Variants in MAGI2 observed in about 807,000 individuals in gnomAD.
The protein encoded by MAGI2 is membrane associated guanylate kinase, WW and PDZ domain containing 2, also known as membrane-associated guanylate kinase, WW and PDZ domain-containing protein 2.
In MAGI2, 35 loss-of-function variants were observed where a neutral mutation model predicts 133.3. The observed-to-expected ratio is 0.26, with a 90% CI of 0.20 to 0.35. The LOEUF (loss-of-function observed/expected upper bound fraction) is 0.35. Among genes scored for constraint, MAGI2 ranks in the 10% least tolerant of loss-of-function variants. The pLI, the probability that MAGI2 is intolerant of heterozygous loss-of-function variation, is 1.00. For synonymous variants in MAGI2, 729 were observed against 710.6 expected (o/e 1.03, Z -0.41); for missense variants, 1,636 against 1,863.4 (o/e 0.88, Z 2.25).
At chr7:78,151,398 A>G (rs1823855796) in intron 16 of MAGI2, among the ~76,000 whole-genome samples, 1 of 152,132 alleles carries the variant, frequency 6.6e-6, no homozygotes, top group African/African-American at 2.4e-5. Flanking sequence ...CTATATAATT[A>G]TTGCTGAGGT....
chr7:78,526,239 A>G (rs1238544464), intron 3 of MAGI2, among the ~76,000 whole-genome samples: 4 of 152,236 alleles, frequency 2.6e-5, no homozygotes, highest in Admixed American at 6.5e-5. Flanking sequence ...ATTCAAAGCC[A>G]CAGTCAATGA....
intron 7 of MAGI2, chr7:78,350,653 G>A (rs996323428): frequency 6.6e-6 from 1 of 152,202 alleles, no homozygotes; most frequent in Non-Finnish European, 1.5e-5. Context: ...CTGAGGGAAG[G>A]AAATATTTGC....
chr7:78,736,760 G>C (rs1280873676), intron 2 of MAGI2, among the ~76,000 whole-genome samples: 1 of 152,138 alleles, frequency 6.6e-6, no homozygotes, highest in Non-Finnish European at 1.5e-5. Flanking sequence ...ACAGTACACT[G>C]CCAGAAAACT....
chr7:78,375,973 A>G (rs1794414544), intron 6 of MAGI2, among the ~76,000 whole-genome samples: 1 of 152,142 alleles, frequency 6.6e-6, no homozygotes, highest in Non-Finnish European at 1.5e-5. Flanking sequence ...AACAAAAGGT[A>G]TTATATCTTT....
chr7:78,051,905 A>G (rs1321126996), intron 21 of MAGI2, among the ~76,000 whole-genome samples: 1 of 103,944 alleles, frequency 9.6e-6, no homozygotes, highest in Non-Finnish European at 1.8e-5. Context: ...TTTTTTTAAG[A>G]CAAGATCTTG....
intron 6 of MAGI2, chr7:78,486,682 C>T (rs1047036219): frequency 1.8e-5 from 7 of 389,134 alleles, no homozygotes; most frequent in Middle Eastern, 4.5e-4. Context: ...ATGGCGACAA[C>T]GATGGTTCCA....
chr7:78,845,405 G>T (rs1342232380), intron 2 of MAGI2, among the ~76,000 whole-genome samples: 1 of 151,810 alleles, frequency 6.6e-6, no homozygotes, highest in Non-Finnish European at 1.5e-5. Context: ...AATTATGGGG[G>T]AGAGAAGGTC....
intron 3 of MAGI2, among the ~76,000 whole-genome samples, chr7:78,529,753 G>T (rs762460852): frequency 3.5e-4 from 43 of 122,338 alleles, no homozygotes; most frequent in Admixed American, 2.5e-3. Flanking sequence ...CTAGCCTCAA[G>T]CCTTCCTCCT....
chr7:79,075,049 T>G lies in MAGI2; in HGVS notation c.302-67843A>C, dbSNP rs181310703. Among the ~76,000 whole-genome samples the G allele has an allele frequency of 4.1e-4, 62 of 152,320 alleles. 1 individual carries two copies. The highest frequency in any genetic ancestry group is 2.8e-4 in the Non-Finnish European group (19 of 68,018). On this transcript the variant is annotated intron_variant, in intron 1 of 21. Transcript: ENST00000354212. ...TACCTTATGGATGTAAGATGGCTGC[T>G]TCAGCTCCAATTGTCAAATCCTCCC...
intron 21 of MAGI2, among the ~76,000 whole-genome samples, chr7:78,055,589 C>G (rs3779322): frequency 0.094 from 14,309 of 152,154 alleles, 843 homozygotes; most frequent in East Asian, 0.21. Flanking sequence ...CCGACACCTC[C>G]CAGACCCTGG....
chr7:78,258,724 AAT>A (rs1260037096), intron 9 of MAGI2, among the ~76,000 whole-genome samples: 7 of 152,080 alleles, frequency 4.6e-5, no homozygotes, highest in Admixed American at 2.6e-4. Context: ...CTTTTCTTAA[AAT>A]ATGTTTGTGA....
At chr7:78,102,711 G>C (rs1818309946) in intron 20 of MAGI2, among the ~76,000 whole-genome samples, 1 of 152,134 alleles carries the variant, frequency 6.6e-6, no homozygotes, top group Non-Finnish European at 1.5e-5. Flanking sequence ...AGAAAACAAG[G>C]CAAGGCTAAG....
At chr7:78,930,546 C>G (rs1469183223) in intron 2 of MAGI2, among the ~76,000 whole-genome samples, 1 of 152,040 alleles carries the variant, frequency 6.6e-6, no homozygotes, top group Admixed American at 6.6e-5. Context: ...CCAACAAAGG[C>G]TAGAAATGGC....
At chr7:78,630,209 TTTC>T (rs1394514751) in intron 2 of MAGI2, among the ~76,000 whole-genome samples, 2 of 134,574 alleles carry the variant, frequency 1.5e-5, no homozygotes, top group Non-Finnish European at 3.2e-5. Flanking sequence ...TTAGTAATTT[TTTC>T]TTGATTTTTT....
At chr7:78,473,296 G>A (rs1164130277) in intron 6 of MAGI2, among the ~76,000 whole-genome samples, 2 of 152,082 alleles carry the variant, frequency 1.3e-5, no homozygotes, top group Non-Finnish European at 1.5e-5. Context: ...CATAGCTTAA[G>A]ACCATCATAT....
chr7:78,622,907 G>A (rs1584878579), intron 3 of MAGI2, among the ~76,000 whole-genome samples: 2 of 151,920 alleles, frequency 1.3e-5, no homozygotes, highest in Admixed American at 6.6e-5. Context: ...CCAATAATCA[G>A]CTCTATGCAC....
At chr7:79,383,964 A>G in intron 1 of MAGI2, among the ~76,000 whole-genome samples, 1 of 151,690 alleles carries the variant, frequency 6.6e-6, no homozygotes, top group Admixed American at 6.6e-5. Flanking sequence ...AATGTTATAA[A>G]TATATTCTAG....
At chr7:78,341,245 A>G (rs2151179311) in intron 9 of MAGI2, among the ~76,000 whole-genome samples, 1 of 152,272 alleles carries the variant, frequency 6.6e-6, no homozygotes, top group South Asian at 2.1e-4. Context: ...TAGGAATACA[A>G]CTTACGAGGG....
At chr7:78,036,626 G>GT (rs34129015) in intron 21 of MAGI2, among the ~76,000 whole-genome samples, 56,723 of 150,022 alleles carry the variant, frequency 0.38, 10,899 homozygotes, top group Non-Finnish European at 0.39. Flanking sequence ...TAACTTTTTA[G>GT]TTTTTTTTTT....
Sources: allele counts gnomAD v4.1 joint callset (sites outside exome capture counted in the v4.1 genomes callset), GRCh38; gene constraint gnomAD v4.1.1; transcripts MANE v1.5; gene names NCBI Gene and HGNC (gene_info 2026-07-23, HGNC 2026-07-21).